Variants in PDE3B observed in about 807,000 individuals in gnomAD.
PDE3B encodes phosphodiesterase 3B.
PDE3B carries 66 observed loss-of-function variants against 116.8 expected under a neutral mutation model. The ratio of observed to expected loss-of-function variants is 0.56; its 90% CI spans 0.46 to 0.69. The LOEUF is 0.69. Ranked by LOEUF, PDE3B falls within the 30% of genes least tolerant of loss-of-function variation. The pLI is 0.00. For missense variants in PDE3B, 1,384 were observed against 1,368.1 expected (o/e 1.01, Z -0.18); for synonymous variants, 595 against 533.6 (o/e 1.12, Z -1.59).
intron 5 of PDE3B, among the ~76,000 whole-genome samples, chr11:14,805,722 A>G (rs1259639589): frequency 1.3e-5 from 2 of 152,196 alleles, no homozygotes; most frequent in Non-Finnish European, 2.9e-5. Flanking sequence ...GGCAGGGGGA[A>G]AATTATCCAG....
intron 1 of PDE3B, among the ~76,000 whole-genome samples, chr11:14,757,169 A>G (rs1857215245): frequency 6.6e-6 from 1 of 151,912 alleles, no homozygotes; most frequent in Non-Finnish European, 1.5e-5. Context: ...TCCATGGTGT[A>G]TATGTGCCAC....
At chr11:14,816,163 C>G (rs1307832809) in intron 5 of PDE3B, among the ~76,000 whole-genome samples, 1 of 152,158 alleles carries the variant, frequency 6.6e-6, no homozygotes, top group Non-Finnish European at 1.5e-5. Context: ...TCATAAGGCC[C>G]TAAGCTAATT....
At chr11:14,688,073 T>C (rs1436715882) in intron 1 of PDE3B, among the ~76,000 whole-genome samples, 1 of 151,226 alleles carries the variant, frequency 6.6e-6, no homozygotes, top group Non-Finnish European at 1.5e-5. Flanking sequence ...TGAATTAAAA[T>C]TTTCTTTCTT....
the PDE3B span, among the ~76,000 whole-genome samples, chr11:14,884,163 C>T: frequency 2.6e-5 from 4 of 151,866 alleles, no homozygotes; most frequent in South Asian, 4.2e-4. Context: ...CCATTTGACC[C>T]TGCCATCCCA....
At chr11:14,879,182 T>A in the PDE3B span, 1 of 1,613,306 alleles carries the variant, frequency 6.2e-7, no homozygotes, top group Non-Finnish European at 8.5e-7. Flanking sequence ...TCGCTCAGGA[T>A]GGAACACTTC....
chr11:14,779,783 A>G (rs563665025), intron 2 of PDE3B, among the ~76,000 whole-genome samples: 3 of 152,364 alleles, frequency 2.0e-5, no homozygotes, highest in Non-Finnish European at 4.4e-5. Context: ...TAACCAGCTA[A>G]CATCATAATG....
chr11:14,678,747 A>G (rs2133791158), intron 1 of PDE3B, among the ~76,000 whole-genome samples: 1 of 152,252 alleles, frequency 6.6e-6, no homozygotes, highest in African/African-American at 2.4e-5. Context: ...AGAGAACCGA[A>G]GATTTTAATT....
chr11:14,757,127 C>T (rs377707456), intron 1 of PDE3B, among the ~76,000 whole-genome samples: 24 of 152,060 alleles, frequency 1.6e-4, no homozygotes, highest in Non-Finnish European at 2.8e-4. Context: ...ACAAAGGACA[C>T]GAACTCATCA....
chr11:14,670,100 T>C, intron 1 of PDE3B, among the ~76,000 whole-genome samples: 1 of 152,108 alleles, frequency 6.6e-6, no homozygotes, highest in Non-Finnish European at 1.5e-5. Flanking sequence ...CATAGCGGCT[T>C]AGTGCAAATA....
rs1321002426 is a variant in PDE3B, at chr11:14,667,376, T to C, written c.978+22323T>C. Among the ~76,000 whole-genome samples, 3 of 151,178 alleles carry C rather than the reference T, an allele frequency of 2.0e-5. No homozygotes were observed. In the East Asian group the frequency reaches 5.9e-4, roughly 30 times the overall value. ...GTGCAGCACACCAGCATGGCACATG[T>C]ATACACATGTAACTAACCTGCACAT... is the stretch of plus-strand genomic sequence containing the variant. On this transcript the variant is annotated intron_variant, in intron 1 of 15. Coordinates refer to ENST00000282096, the MANE Select transcript of PDE3B (RefSeq NM_000922.4).
At chr11:14,745,487 T>C (rs1336229242) in intron 1 of PDE3B, among the ~76,000 whole-genome samples, 1 of 152,128 alleles carries the variant, frequency 6.6e-6, no homozygotes, top group Non-Finnish European at 1.5e-5. Context: ...CATTATTTCT[T>C]TGTATTTAGC....
chr11:14,703,435 A>G (rs1855431951), intron 1 of PDE3B, among the ~76,000 whole-genome samples: 1 of 151,314 alleles, frequency 6.6e-6, no homozygotes, highest in Non-Finnish European at 1.5e-5. Flanking sequence ...TTTTAATACC[A>G]GGAATCTTTT....
intron 1 of PDE3B, among the ~76,000 whole-genome samples, chr11:14,653,957 C>G (rs904499750): frequency 6.6e-6 from 1 of 152,092 alleles, no homozygotes; most frequent in Non-Finnish European, 1.5e-5. Flanking sequence ...CTGATTGTAC[C>G]ACTGCACTGC....
At chr11:14,851,819 G>C (rs1847759847) in intron 12 of PDE3B, among the ~76,000 whole-genome samples, 1 of 152,144 alleles carries the variant, frequency 6.6e-6, no homozygotes, top group Admixed American at 6.5e-5. Flanking sequence ...TAATGGCATA[G>C]TGGAAAAAGC....
intron 2 of PDE3B, chr11:14,775,497 A>G (rs1857759173): frequency 1.3e-5 from 2 of 152,120 alleles, no homozygotes; most frequent in Non-Finnish European, 2.9e-5. Flanking sequence ...GAAGGTTTCT[A>G]TATCTCTTTT....
At chr11:14,744,725 A>G (rs755349234) in intron 1 of PDE3B, among the ~76,000 whole-genome samples, 2 of 152,218 alleles carry the variant, frequency 1.3e-5, no homozygotes, top group Admixed American at 6.5e-5. Context: ...GGGTCAGTGT[A>G]TGTGACTTTC....
intron 2 of PDE3B, among the ~76,000 whole-genome samples, chr11:14,778,168 A>G (rs745381409): frequency 1.3e-5 from 2 of 152,166 alleles, no homozygotes; most frequent in Non-Finnish European, 2.9e-5. Flanking sequence ...AGCAGCCCTG[A>G]AGCTCAAAAT....
rs1192273024 is a variant in PDE3B at position 14,847,376 on chromosome 11, C to A, written c.2520+3350C>A. 4.6e-5 allele frequency among the ~76,000 whole-genome samples: 7 copies of A among 151,232 alleles called. No individual in the cohort carries two copies. The East Asian group carries it at 1.4e-3, about 29-fold the overall frequency. On this transcript the variant is annotated intron_variant, in intron 12 of 15. Coordinates refer to ENST00000282096, the MANE Select transcript of PDE3B (RefSeq NM_000922.4). Reference sequence around the variant, plus strand: ...GGAAATTTATAGCACTAAATGCCCACAAGAGAAAGCAGGAAAGATCCAGAA... The same window carrying A: ...GGAAATTTATAGCACTAAATGCCCAAAAGAGAAAGCAGGAAAGATCCAGAA...
Position 14,819,133 on chromosome 11 carries a change from A to C in PDE3B, c.1734-3A>C. The stretch of plus-strand genomic sequence containing the variant: ...TATATATTTATCTATTTTATTCTAT[A>C]AGCTGTGGACATCAAATGCTGAAAT... On this transcript the variant is annotated splice_polypyrimidine_tract_variant and splice_region_variant and intron_variant, in intron 6 of 15. Coordinates refer to ENST00000282096, the MANE Select transcript of PDE3B (RefSeq NM_000922.4). 1 of 1,552,540 alleles carries C rather than the reference A, an allele frequency of 6.4e-7. No individual in the cohort carries two copies. The highest frequency in any genetic ancestry group is 8.9e-7 in the Non-Finnish European group (1 of 1,128,634).
Sources: gnomAD v4.1 joint callset for allele counts (sites outside exome capture counted in the v4.1 genomes callset) on GRCh38, gnomAD v4.1.1 for gene constraint, MANE v1.5 for transcripts, NCBI Gene and HGNC (gene_info 2026-07-23, HGNC 2026-07-21) for gene names.